OPCML: variants seen among roughly 807,000 people sequenced by gnomAD.
OPCML encodes opioid binding protein/cell adhesion molecule like.
OPCML carries 13 observed loss-of-function variants against 37.8 expected under a neutral mutation model. The ratio of observed to expected loss-of-function variants is 0.34; its 90% CI spans 0.22 to 0.55. The LOEUF (loss-of-function observed/expected upper bound fraction) is 0.55, where lower values mean the gene tolerates loss of function less well. OPCML is among the 20% of genes least tolerant of loss of function. The pLI, the probability that OPCML is intolerant of heterozygous loss-of-function variation, is 0.91. For synonymous variants in OPCML, 176 were observed against 168.8 expected, an observed-to-expected ratio of 1.04 and a Z score of -0.33; for missense variants, 341 against 435.6, an observed-to-expected ratio of 0.78 and a Z score of 1.93.
Position 133,328,513 on chromosome 11 carries a change from A to G in OPCML, c.61+203751T>C, listed in dbSNP as rs116926163. 6.0e-3 allele frequency among the ~76,000 whole-genome samples: 912 copies of G among 152,332 alleles called. 2 individuals are homozygous for G. The highest frequency in any genetic ancestry group is 0.014 in the Middle Eastern group (4 of 294). ...ATGCATAGCACAATTCCTGGCATAT[A>G]GTAATGCAATACTCAAAACCTCAGT... On this transcript the variant is annotated intron_variant, in intron 1 of 7. Coordinates refer to ENST00000524381, the MANE Select transcript of OPCML (RefSeq NM_001012393.5).
chr11:132,494,807 C>T (rs997623274), intron 4 of OPCML, among the ~76,000 whole-genome samples: 2 of 152,174 alleles, frequency 1.3e-5, no homozygotes, highest in Non-Finnish European at 2.9e-5. Flanking sequence ...ACACAAACAC[C>T]AGCTCCAGAG....
intron 2 of OPCML, among the ~76,000 whole-genome samples, chr11:132,928,587 TAA>T (rs1162672169): frequency 6.6e-6 from 1 of 151,808 alleles, no homozygotes; most frequent in Non-Finnish European, 1.5e-5. Context: ...AATAAGGAAA[TAA>T]AGAGCTTGAA....
At chr11:132,497,980 T>G (rs2096236687) in intron 4 of OPCML, among the ~76,000 whole-genome samples, 1 of 152,216 alleles carries the variant, frequency 6.6e-6, no homozygotes, top group African/African-American at 2.4e-5. Context: ...TCAAAATATA[T>G]TGACTAGGAC....
In OPCML at chr11:133,373,478, A is replaced by T. The variant is rs571216111; in HGVS notation, c.61+158786T>A. Among the ~76,000 whole-genome samples, 20 of 139,818 alleles carry T rather than the reference A, an allele frequency of 1.4e-4. No individual in the cohort carries two copies. The East Asian group carries it at 4.1e-3, about 29-fold the overall frequency. The allele number at this position is 139,818 out of a possible 152,430, so 91.7% of individuals were successfully genotyped here. On this transcript the variant is annotated intron_variant, in intron 1 of 7. Transcript: ENST00000524381. ...ACACACACACAAAAATACAAAATTT[A>T]GCCAGGCGTTGTGGTACACTCCTGT...
At chr11:132,834,791 C>A (rs1252663638) in intron 2 of OPCML, among the ~76,000 whole-genome samples, 1 of 152,150 alleles carries the variant, frequency 6.6e-6, no homozygotes, top group East Asian at 1.9e-4. Flanking sequence ...GGCAAGAGAG[C>A]GTAGGACTTC....
chr11:132,525,611 GAGA>G (rs2096305946), intron 4 of OPCML, among the ~76,000 whole-genome samples: 1 of 152,184 alleles, frequency 6.6e-6, no homozygotes. Context: ...AATTGCAAGT[GAGA>G]AGGAGCATCC....
chr11:132,784,575 C>G (rs1389684815), intron 2 of OPCML, among the ~76,000 whole-genome samples: 1 of 152,080 alleles, frequency 6.6e-6, no homozygotes, highest in Non-Finnish European at 1.5e-5. Context: ...CGATATGGTT[C>G]GAATGCTTTG....
intron 2 of OPCML, among the ~76,000 whole-genome samples, chr11:132,778,879 AAG>A (rs1946896448): frequency 6.6e-6 from 1 of 152,160 alleles, no homozygotes; most frequent in African/African-American, 2.4e-5. Context: ...CAAAAAATAT[AAG>A]AGAATTTTAA....
chr11:133,387,510 A>G (rs1945080764), intron 1 of OPCML, among the ~76,000 whole-genome samples: 1 of 152,228 alleles, frequency 6.6e-6, no homozygotes, highest in Non-Finnish European at 1.5e-5. Flanking sequence ...ATCCCTTGCT[A>G]CCAGAGTTCT....
chr11:132,739,013 G>A lies in OPCML; in HGVS notation c.147-81694C>T, dbSNP rs1028743824. On this transcript the variant is annotated intron_variant, in intron 2 of 7. Coordinates refer to ENST00000524381, the MANE Select transcript of OPCML (RefSeq NM_001012393.5). ...GCCTCCCACCCGCTAACCCCAGCAC[G>A]TTTGCGTAAAAGCAGGCTTAGACCC... Among the ~76,000 whole-genome samples the A allele has an allele frequency of 5.3e-5, 8 of 152,084 alleles. No homozygotes were observed. In the East Asian group the frequency reaches 9.7e-4, roughly 18 times the overall value.
intron 1 of OPCML, among the ~76,000 whole-genome samples, chr11:133,176,916 G>A (rs1297022320): frequency 6.6e-6 from 1 of 152,182 alleles, no homozygotes; most frequent in Admixed American, 6.5e-5. Flanking sequence ...CCAACTTTCA[G>A]CAGAGCTGTG....
chr11:132,647,854 T>G (rs1402082473), intron 3 of OPCML, among the ~76,000 whole-genome samples: 1 of 152,238 alleles, frequency 6.6e-6, no homozygotes, highest in East Asian at 1.9e-4. Context: ...ATTGACTGTT[T>G]TCCTGGTGAT....
At chr11:132,493,072 C>T (rs1365423106) in intron 4 of OPCML, among the ~76,000 whole-genome samples, 1 of 152,186 alleles carries the variant, frequency 6.6e-6, no homozygotes, top group African/African-American at 2.4e-5. Flanking sequence ...GATGTGAGAA[C>T]AAAGAAGCCA....
intron 3 of OPCML, among the ~76,000 whole-genome samples, chr11:132,583,007 CA>C (rs770117100): frequency 5.3e-5 from 8 of 151,904 alleles, no homozygotes; most frequent in Non-Finnish European, 1.2e-4. Flanking sequence ...CACTGTGATG[CA>C]AAATCAATAG....
intron 1 of OPCML, among the ~76,000 whole-genome samples, chr11:133,424,018 C>A (rs1031882902): frequency 2.6e-5 from 4 of 152,190 alleles, no homozygotes; most frequent in Non-Finnish European, 2.9e-5. Context: ...GCTAATTAAA[C>A]CTCTGTTATT....
Position 132,852,578 on chromosome 11 carries a change from G to A in OPCML, c.146+90348C>T, listed in dbSNP as rs116183020. On this transcript the variant is annotated intron_variant, in intron 2 of 7. Transcript: ENST00000524381. ...GCACCAAACTGTATCTGTCGGCACCGCGTGCTTCCCCACCACGCCTGCGCA... is the reference window on the plus strand; with the variant it reads ...GCACCAAACTGTATCTGTCGGCACCACGTGCTTCCCCACCACGCCTGCGCA... Among the ~76,000 whole-genome samples, 1,176 of 151,832 alleles carry A rather than the reference G, an allele frequency of 7.7e-3. 19 individuals are homozygous for A. The highest frequency in any genetic ancestry group is 0.027 in the African/African-American group (1,115 of 41,346).
chr11:132,623,733 T>C (rs565600547), intron 3 of OPCML, among the ~76,000 whole-genome samples: 19 of 152,276 alleles, frequency 1.2e-4, no homozygotes, highest in African/African-American at 4.6e-4. Context: ...CAGGGTCAAT[T>C]TGGACAGCTG....
intron 1 of OPCML, among the ~76,000 whole-genome samples, chr11:133,280,572 T>C (rs865800000): frequency 3.3e-5 from 5 of 152,222 alleles, no homozygotes; most frequent in South Asian, 2.1e-4. Flanking sequence ...ACACCTAACA[T>C]TGGCTCTGTT....
At chr11:133,207,080 G>T (rs1354824858) in intron 1 of OPCML, among the ~76,000 whole-genome samples, 4 of 144,564 alleles carry the variant, frequency 2.8e-5, no homozygotes, top group Non-Finnish European at 4.5e-5. Flanking sequence ...GAGGTCAGGA[G>T]ATCGAGACCA....
Sources: gnomAD v4.1 joint callset for allele counts (sites outside exome capture counted in the v4.1 genomes callset) on GRCh38, gnomAD v4.1.1 for gene constraint, MANE v1.5 for transcripts, NCBI Gene and HGNC (gene_info 2026-07-23, HGNC 2026-07-21) for gene names.